Variants in MGAT4C observed in about 807,000 individuals in gnomAD.
MGAT4C encodes the protein MGAT4 family member C.
MGAT4C carries 19 observed loss-of-function variants against 40.1 expected under a neutral mutation model. The ratio of observed to expected loss-of-function variants is 0.47; its 90% CI spans 0.33 to 0.70. The LOEUF is 0.70. Ranked by LOEUF, MGAT4C falls within the 30% of genes least tolerant of loss-of-function variation. The pLI, the probability that MGAT4C is intolerant of heterozygous loss-of-function variation, is 0.02. For missense variants in MGAT4C, 491 were observed against 563.2 expected (o/e 0.87, Z 1.30); for synonymous variants, 181 against 187.1 (o/e 0.97, Z 0.27).
At chr12:86,415,562 T>G (rs932308326) in intron 3 of MGAT4C, among the ~76,000 whole-genome samples, 1 of 151,990 alleles carries the variant, frequency 6.6e-6, no homozygotes, top group African/African-American at 2.4e-5. Flanking sequence ...GGATTTATTT[T>G]TTCCTATGCA....
chr12:86,752,448 C>T lies in MGAT4C; in HGVS notation c.-261-25207G>A, dbSNP rs183052541. The stretch of plus-strand genomic sequence containing the variant: ...TAGAATAGTCAAAGCAAGCAAGTTG[C>T]CACTAATAACTGCCTTGGCTATTTT... On this transcript the variant is annotated intron_variant, in intron 1 of 7. Transcript: ENST00000548651. Among the ~76,000 whole-genome samples the T allele has an allele frequency of 1.6e-4, 24 of 152,048 alleles. 2 individuals are homozygous for T. The highest frequency in any genetic ancestry group is 1.2e-3 in the East Asian group (6 of 5,156).
chr12:86,490,999 A>C (rs1958121319), intron 2 of MGAT4C, among the ~76,000 whole-genome samples: 1 of 152,156 alleles, frequency 6.6e-6, no homozygotes, highest in Admixed American at 6.6e-5. Context: ...CATTAGACAG[A>C]TCAACGAGAC....
chr12:86,215,552 G>A (rs1332019380), intron 1 of MGAT4C, among the ~76,000 whole-genome samples: 2 of 152,078 alleles, frequency 1.3e-5, no homozygotes, highest in Non-Finnish European at 2.9e-5. Context: ...ACCATACCAT[G>A]TTCAAATAAA....
Position 85,987,684 on chromosome 12 carries a change from T to G in MGAT4C, c.147+1716A>C, listed in dbSNP as rs187532060. ...TTCTAATTGACATATACTCTACTAC[T>G]TCTTACTCATTTTATGGTGAATTTA... is the stretch of plus-strand genomic sequence containing the variant. On this transcript the variant is annotated intron_variant, in intron 3 of 4. Coordinates refer to ENST00000611864, the MANE Select transcript of MGAT4C (RefSeq NM_001351288.2). Among the ~76,000 whole-genome samples the G allele has an allele frequency of 5.5e-3, 837 of 152,342 alleles. 5 individuals are homozygous for G. The highest frequency in any genetic ancestry group is 6.9e-3 in the Non-Finnish European group (469 of 68,026).
At chr12:86,195,333 T>C (rs1352498006) in intron 1 of MGAT4C, among the ~76,000 whole-genome samples, 1 of 152,180 alleles carries the variant, frequency 6.6e-6, no homozygotes, top group Non-Finnish European at 1.5e-5. Flanking sequence ...CTTCGTGATC[T>C]GTTTTGTCTT....
At chr12:86,392,716 T>G (rs990171453) in intron 3 of MGAT4C, among the ~76,000 whole-genome samples, 1 of 152,228 alleles carries the variant, frequency 6.6e-6, no homozygotes, top group Non-Finnish European at 1.5e-5. Flanking sequence ...ATCTGACGTA[T>G]GCATTGCATA....
intron 2 of MGAT4C, among the ~76,000 whole-genome samples, chr12:86,438,060 CAAAAGCCAAGATAGGCT>C (rs1400135653): frequency 2.0e-5 from 3 of 151,840 alleles, no homozygotes; most frequent in Admixed American, 6.6e-5. Context: ...GAAGGCATGT[CAAAAGCCAAGATAGGCT>C]AAAAGCTAGG....
rs1883765635 is a variant in MGAT4C at position 85,973,911 on chromosome 12, A to C, written c.*5378T>G. ...TCAATTTCAATGTTAAAAATAGGATATTAAACATCTCAGAAAATATTGGGA... is the reference window on the plus strand; with the variant it reads ...TCAATTTCAATGTTAAAAATAGGATCTTAAACATCTCAGAAAATATTGGGA... On this transcript the variant is annotated 3_prime_UTR_variant, in exon 5 of 5. Coordinates refer to ENST00000611864, the MANE Select transcript of MGAT4C (RefSeq NM_001351288.2). 1 of 150,968 alleles carries C rather than the reference A, an allele frequency of 6.6e-6. No individual in the cohort carries two copies. Among genetic ancestry groups the C allele is most frequent in the African/African-American group, 2.4e-5 (1 of 41,340 alleles). The allele number at this position is 150,968 out of a possible 1,614,324, so 9.4% of individuals were successfully genotyped here. A position where few individuals can be genotyped will look rare whatever the true frequency, so the allele number is the denominator to read the frequency against.
chr12:86,620,311 G>A (rs573058691), intron 2 of MGAT4C, among the ~76,000 whole-genome samples: 1 of 151,886 alleles, frequency 6.6e-6, no homozygotes, highest in African/African-American at 2.4e-5. Context: ...ATCAACCTAA[G>A]TGTCCATCAG....
intron 3 of MGAT4C, among the ~76,000 whole-genome samples, chr12:86,342,171 T>C (rs1030967465): frequency 6.6e-6 from 1 of 152,140 alleles, no homozygotes; most frequent in Non-Finnish European, 1.5e-5. Flanking sequence ...GCTATCATCT[T>C]TGCTGTTTTG....
chr12:86,523,941 A>G (rs576624147), intron 2 of MGAT4C, among the ~76,000 whole-genome samples: 1 of 151,964 alleles, frequency 6.6e-6, no homozygotes, highest in East Asian at 1.9e-4. Context: ...TGCTTGGTAG[A>G]TTTTTCTTCA....
intron 1 of MGAT4C, among the ~76,000 whole-genome samples, chr12:86,158,057 A>G (rs769646489): frequency 1.3e-5 from 2 of 152,228 alleles, no homozygotes; most frequent in African/African-American, 2.4e-5. Context: ...GTTTTAAAAT[A>G]TAATACCAAT....
rs150606903 is a variant in MGAT4C, at chr12:86,283,458, A to C, written c.-57+50607T>G. Among the ~76,000 whole-genome samples, 800 of 152,116 alleles carry C rather than the reference A, an allele frequency of 5.3e-3. 4 individuals carry two copies. Among genetic ancestry groups the C allele is most frequent in the African/African-American group, 0.018 (761 of 41,534 alleles). ...TCTTCTTCTCTCTCTTAAATACTGT[A>C]CATATTTAGAACTTTTAATCTAAGA... is the stretch of plus-strand genomic sequence containing the variant. On this transcript the variant is annotated intron_variant, in intron 4 of 7. Transcript: ENST00000548651.
chr12:86,813,323 G>A (rs1014809492), intron 1 of MGAT4C, among the ~76,000 whole-genome samples: 9 of 151,822 alleles, frequency 5.9e-5, no homozygotes, highest in South Asian at 2.1e-4. Flanking sequence ...CTACACTGAC[G>A]TCACATGATA....
chr12:86,387,224 G>C (rs542327561), intron 3 of MGAT4C, among the ~76,000 whole-genome samples: 1 of 151,992 alleles, frequency 6.6e-6, no homozygotes, highest in Admixed American at 6.6e-5. Context: ...AAATTTTACT[G>C]CATACTTACT....
At chr12:86,680,127 C>T (rs1949953192) in intron 2 of MGAT4C, among the ~76,000 whole-genome samples, 1 of 151,820 alleles carries the variant, frequency 6.6e-6, no homozygotes, top group Non-Finnish European at 1.5e-5. Flanking sequence ...TGGCCAAATC[C>T]CCACTATGTT....
At chr12:86,213,125 G>C (rs1188596733) in intron 1 of MGAT4C, among the ~76,000 whole-genome samples, 1 of 152,070 alleles carries the variant, frequency 6.6e-6, no homozygotes, top group Non-Finnish European at 1.5e-5. Context: ...TGTCTGCTGA[G>C]GGATAAGAGA....
intron 1 of MGAT4C, among the ~76,000 whole-genome samples, chr12:86,804,206 A>G (rs1255375494): frequency 6.7e-6 from 1 of 148,424 alleles, no homozygotes; most frequent in Non-Finnish European, 1.5e-5. Context: ...CATAGGTGGG[A>G]ATTGAACAAT....
intron 3 of MGAT4C, among the ~76,000 whole-genome samples, chr12:86,379,761 T>C (rs548679403): frequency 6.6e-6 from 1 of 152,264 alleles, no homozygotes; most frequent in East Asian, 1.9e-4. Context: ...TCGTTTCTAT[T>C]ACAAATTTCA....
Sources: allele counts gnomAD v4.1 joint callset (sites outside exome capture counted in the v4.1 genomes callset), GRCh38; gene constraint gnomAD v4.1.1; transcripts MANE v1.5; gene names NCBI Gene and HGNC (gene_info 2026-07-23, HGNC 2026-07-21).